ZFP42: variants seen among roughly 807,000 people sequenced by gnomAD.
ZFP42 encodes the protein zinc finger protein 42 homolog.
For synonymous variants in ZFP42, 175 were observed against 144.6 expected (o/e 1.21, Z -1.51); for missense variants, 438 against 377.1 (o/e 1.16, Z -1.34).
Position 188,002,906 on chromosome 4 carries a change from C to T in ZFP42, c.99C>T (p.Ser33=), listed in dbSNP as rs752802631. 1 of 1,614,186 alleles carries T rather than the reference C, an allele frequency of 6.2e-7. No homozygotes were observed. The highest frequency in any genetic ancestry group is 1.7e-5 in the Admixed American group (1 of 60,028). Residue 33 remains serine, a synonymous_variant, in exon 4 of 4, where the codon AGC becomes AGT. Transcript: ENST00000326866. ...CTAAGCCCAGGCAAGGCAAGTCAAG[C>T]CAAGACCTGCAGGCGGAAATAGAAC... ...SGAKPRQGKS[S]QDLQAEIEPV... is the part of the protein sequence containing the mutation.
At chr4:187,996,660 G>A (rs568203277) in intron 1 of ZFP42, among the ~76,000 whole-genome samples, 1 of 152,102 alleles carries the variant, frequency 6.6e-6, no homozygotes, top group South Asian at 2.1e-4. Context: ...CAATCCACCG[G>A]CGAGCTGCAG....
At chr4:187,995,996 G>A (rs1279412303) in intron 1 of ZFP42, among the ~76,000 whole-genome samples, 156 bp downstream of exon 1, 1 of 152,218 alleles carries the variant, frequency 6.6e-6, no homozygotes, top group African/African-American at 2.4e-5. Context: ...CGGGAGACTT[G>A]TAGCCCTCGC....
intron 1 of ZFP42, among the ~76,000 whole-genome samples, chr4:187,997,849 C>G (rs1245307731): frequency 6.6e-6 from 1 of 152,112 alleles, no homozygotes; most frequent in African/African-American, 2.4e-5. Flanking sequence ...CTTCATGATC[C>G]TGAATTTGTG....
intron 3 of ZFP42, among the ~76,000 whole-genome samples, chr4:188,001,176 T>G (rs1330283544): frequency 2.7e-5 from 4 of 150,446 alleles, no homozygotes; most frequent in Non-Finnish European, 5.9e-5. Context: ...GTTGAGGTGT[T>G]TTTTTTTTAA....
rs781591825 is a variant in ZFP42 at position 188,003,599 on chromosome 4, G to A, written c.792G>A (p.Thr264=). The A allele has an allele frequency of 3.7e-6, 6 of 1,613,298 alleles. No homozygotes were observed. The highest frequency in any genetic ancestry group is 5.1e-6 in the Non-Finnish European group (6 of 1,180,036). Residue 264 remains threonine (T), a synonymous_variant, in exon 4 of 4, where the codon ACG becomes ACA. Coordinates refer to ENST00000326866, the MANE Select transcript of ZFP42 (RefSeq NM_174900.5). ...KRFSLDFNLR[T]HVRIHTGEKR... The stretch of plus-strand genomic sequence containing the variant: ...TCTCTCTGGACTTTAATTTGCGTAC[G>A]CACGTGCGCATCCACACGGGGGAGA...
At chr4:188,001,046 T>C (rs1733791238) in intron 3 of ZFP42, among the ~76,000 whole-genome samples, 1 of 152,158 alleles carries the variant, frequency 6.6e-6, no homozygotes, top group Non-Finnish European at 1.5e-5. Flanking sequence ...ATATAACATA[T>C]ATGTATTACA....
In ZFP42 at chr4:188,003,196, A is replaced by G. The variant is rs776123248; in HGVS notation, c.389A>G (p.Glu130Gly). The G allele has an allele frequency of 7.8e-5, 126 of 1,613,746 alleles. No homozygotes were observed. Among genetic ancestry groups the G allele is most frequent in the Non-Finnish European group, 1.0e-4 (120 of 1,179,986 alleles). ...LEYMKKGVKK[E>G]LPQKIVGENS... ...TACATGAAAAAAGGGGTAAAGAAAG[A>G]GCTTCCACAAAAGATAGTTGGAGAG... is the stretch of plus-strand genomic sequence containing the variant. The change falls in exon 4 of 4, where the codon GAG becomes GGG. Residue 130 changes from glutamate (E) to glycine (G), a missense_variant. Glu to Gly is a moderately conservative substitution (Grantham distance 98). Transcript: ENST00000326866.
chr4:188,003,274 G>A lies in ZFP42; in HGVS notation c.467G>A (p.Gly156Glu). 1 of 1,614,094 alleles carries A rather than the reference G, an allele frequency of 6.2e-7. No homozygotes were observed. The highest frequency in any genetic ancestry group is 8.5e-7 in the Non-Finnish European group (1 of 1,180,026). ...YMTGKKLPPG[G>E]IPGIDLSDPK... The stretch of plus-strand genomic sequence containing the variant: ...ACAGGCAAGAAGCTTCCGCCTGGAG[G>A]AATACCTGGCATTGACCTATCAGAT... The change falls in exon 4 of 4, where the codon GGA becomes GAA. Residue 156 changes from glycine to glutamate, a missense_variant. Physicochemically the swap from Gly to Glu is moderately conservative, Grantham distance 98 (BLOSUM62 -2). Transcript: ENST00000326866.
intron 3 of ZFP42, among the ~76,000 whole-genome samples, chr4:188,002,250 T>A: frequency 6.6e-6 from 1 of 152,208 alleles, no homozygotes. Flanking sequence ...CAACTGCCAC[T>A]TACCACCCTA....
intron 3 of ZFP42, among the ~76,000 whole-genome samples, chr4:188,001,901 A>G (rs2111184327): frequency 6.6e-6 from 1 of 152,342 alleles, no homozygotes; most frequent in Admixed American, 6.5e-5. Flanking sequence ...CAATAGGGCC[A>G]GGCATGGTGG....
At chr4:187,998,154 T>C (rs1471869667) in intron 1 of ZFP42, among the ~76,000 whole-genome samples, 1 of 152,038 alleles carries the variant, frequency 6.6e-6, no homozygotes, top group Admixed American at 6.6e-5. Flanking sequence ...CTGACCAACG[T>C]GGAGAAACCT....
chr4:187,998,065 G>T (rs912218979), intron 1 of ZFP42, among the ~76,000 whole-genome samples: 1 of 152,186 alleles, frequency 6.6e-6, no homozygotes, highest in East Asian at 1.9e-4. Flanking sequence ...GTCTGGGCGC[G>T]GTGGCTCACG....
In ZFP42 at chr4:188,004,010, T is replaced by G. The variant is rs1269777930; in HGVS notation, c.*270T>G. 3.1e-6 allele frequency: 1 copy of G among 327,524 alleles called. No individual in the cohort carries two copies. The highest frequency in any genetic ancestry group is 2.2e-5 in the African/African-American group (1 of 45,050). 20.3% of individuals were successfully genotyped at this position (327,524 alleles called of 1,614,324 possible). On this transcript the variant is annotated 3_prime_UTR_variant, in exon 4 of 4. Coordinates refer to ENST00000326866, the MANE Select transcript of ZFP42 (RefSeq NM_174900.5). ...TTAAAGTGTGCTTCCAACAGGAAGG[T>G]CAGTGATAAATTTTCAAAAGCATAA...
At chr4:187,998,101 C>T (rs1733670915) in intron 1 of ZFP42, among the ~76,000 whole-genome samples, 1 of 152,160 alleles carries the variant, frequency 6.6e-6, no homozygotes, top group South Asian at 2.1e-4. Flanking sequence ...TTTTGAGAGC[C>T]TGAGGCAGGC....
At position 188,003,926 on chromosome 4, in the gene ZFP42, CTTTTATTTGTTTTATTTAGAACTTT is replaced by C. The variant is rs1167762536; in HGVS notation, c.*212_*236del. 82 of 553,190 alleles carry C rather than the reference CTTTTATTTGTTTTATTTAGAACTTT, an allele frequency of 1.5e-4. No homozygotes were observed. In the Middle Eastern group the frequency reaches 1.6e-3, roughly 11 times the overall value. 34.3% of individuals were successfully genotyped at this position (553,190 alleles called of 1,614,324 possible). A position where few individuals can be genotyped will look rare whatever the true frequency, so the allele number is the denominator to read the frequency against. ...TTAAGGACATGGTGCATTTTTTTTT[CTTTTATTTGTTTTATTTAGAACTTT>C]TTTTATTTGTTTTATTTAGAACTTT... is the stretch of plus-strand genomic sequence containing the variant. On this transcript the variant is annotated 3_prime_UTR_variant, in exon 4 of 4. Transcript: ENST00000326866.
At chr4:188,001,877 A>G (rs1733836193) in intron 3 of ZFP42, among the ~76,000 whole-genome samples, 1 of 152,230 alleles carries the variant, frequency 6.6e-6, no homozygotes. Context: ...TCATAACAGT[A>G]TTACATAAGA....
rs1733969112 is a variant in ZFP42 at position 188,004,179 on chromosome 4, G to A, written c.*439G>A. ...AATTTATACTTCAGCCAGGCATAGT[G>A]ACTGATGCCTGTAATCCCAACACTT... On this transcript the variant is annotated 3_prime_UTR_variant, in exon 4 of 4. Coordinates refer to ENST00000326866, the MANE Select transcript of ZFP42 (RefSeq NM_174900.5). 1 of 172,982 alleles carries A rather than the reference G, an allele frequency of 5.8e-6. No individual in the cohort carries two copies. Among genetic ancestry groups the A allele is most frequent in the African/African-American group, 2.4e-5 (1 of 41,444 alleles). 10.7% of individuals were successfully genotyped at this position (172,982 alleles called of 1,614,324 possible). A position where few individuals can be genotyped will look rare whatever the true frequency, so the allele number is the denominator to read the frequency against.
intron 3 of ZFP42, among the ~76,000 whole-genome samples, chr4:188,000,776 G>T (rs1228488790): frequency 2.6e-5 from 4 of 152,052 alleles, no homozygotes; most frequent in African/African-American, 9.7e-5. Flanking sequence ...GAGGTCAGGA[G>T]TTCGAGACCA....
At chr4:187,997,199 G>A (rs1195197563) in intron 1 of ZFP42, among the ~76,000 whole-genome samples, 3 of 144,382 alleles carry the variant, frequency 2.1e-5, no homozygotes, top group African/African-American at 2.6e-5. Context: ...GATGAAGGTG[G>A]CGTCCTCGGT....
Sources: gnomAD v4.1 joint callset for allele counts (sites outside exome capture counted in the v4.1 genomes callset) on GRCh38, gnomAD v4.1.1 for gene constraint, MANE v1.5 for transcripts, NCBI Gene and HGNC (gene_info 2026-07-23, HGNC 2026-07-21) for gene names.